Variants in FGF14 observed in about 807,000 individuals in gnomAD.
The protein encoded by FGF14 is fibroblast growth factor homologous factor 4.
FGF14 carries 5 observed loss-of-function variants against 25.5 expected under a neutral mutation model. The ratio of observed to expected loss-of-function variants is 0.20; its 90% CI spans 0.10 to 0.41. The LOEUF (loss-of-function observed/expected upper bound fraction) is 0.41. FGF14 is among the 10% of genes least tolerant of loss of function. The pLI is 1.00. For synonymous variants in FGF14, 138 were observed against 118.3 expected (o/e 1.17, Z -1.08); for missense variants, 222 against 320.1 (o/e 0.69, Z 2.34).
intron 3 of FGF14, among the ~76,000 whole-genome samples, chr13:101,801,676 A>G (rs1239665536): frequency 1.3e-5 from 2 of 152,168 alleles, no homozygotes; most frequent in African/African-American, 4.8e-5. Context: ...TTTGAAACAC[A>G]AGCTCCAGCA....
intron 3 of FGF14, among the ~76,000 whole-genome samples, chr13:101,807,608 A>G (rs1358431639): frequency 6.6e-6 from 1 of 152,070 alleles, no homozygotes; most frequent in Non-Finnish European, 1.5e-5. Context: ...TAAAATATAT[A>G]TATGCTCTAG....
chr13:102,354,541 G>T (rs1277404933), intron 1 of FGF14, among the ~76,000 whole-genome samples: 1 of 152,078 alleles, frequency 6.6e-6, no homozygotes, highest in Non-Finnish European at 1.5e-5. Context: ...GATGTCTCAT[G>T]TCTCCCTAAA....
chr13:101,850,052 G>T (rs1390961103), intron 3 of FGF14, among the ~76,000 whole-genome samples: 2 of 151,470 alleles, frequency 1.3e-5, no homozygotes, highest in Admixed American at 6.6e-5. Flanking sequence ...GAGAGGGAGA[G>T]GAAGGCAGGA....
intron 1 of FGF14, among the ~76,000 whole-genome samples, chr13:101,973,727 C>T (rs59246201): frequency 0.019 from 2,960 of 152,222 alleles, 89 homozygotes; most frequent in African/African-American, 0.067. Flanking sequence ...TGAGATGGTG[C>T]CCTCCCAGAT....
At chr13:102,374,977 C>T (rs78915635) in intron 1 of FGF14, among the ~76,000 whole-genome samples, 4,784 of 151,948 alleles carry the variant, frequency 0.031, 107 homozygotes, top group Middle Eastern at 0.048. Context: ...AATAAATACA[C>T]ATTTGCTAAA....
chr13:102,229,920 T>C (rs1263617278), intron 1 of FGF14, among the ~76,000 whole-genome samples: 1 of 152,204 alleles, frequency 6.6e-6, no homozygotes, highest in Non-Finnish European at 1.5e-5. Context: ...CAGCCTTCTG[T>C]TATTCAATTC....
intron 1 of FGF14, among the ~76,000 whole-genome samples, chr13:102,202,737 A>T (rs2049720306): frequency 6.6e-6 from 1 of 152,198 alleles, no homozygotes; most frequent in Non-Finnish European, 1.5e-5. Flanking sequence ...AGAACTTCAA[A>T]AGCATTTGCA....
intron 3 of FGF14, among the ~76,000 whole-genome samples, chr13:101,751,578 G>A (rs2037278066): frequency 6.6e-6 from 1 of 152,068 alleles, no homozygotes; most frequent in African/African-American, 2.4e-5. Context: ...GGTTGACGAA[G>A]CAAAAATGGA....
chr13:101,898,987 C>G (rs1203191832), intron 1 of FGF14, among the ~76,000 whole-genome samples: 1 of 152,090 alleles, frequency 6.6e-6, no homozygotes, highest in Non-Finnish European at 1.5e-5. Flanking sequence ...TTTGGCAATC[C>G]ACAATGCTAA....
At chr13:102,029,352 C>T (rs2041093853) in intron 1 of FGF14, among the ~76,000 whole-genome samples, 1 of 152,006 alleles carries the variant, frequency 6.6e-6, no homozygotes, top group Admixed American at 6.6e-5. Context: ...TTAACTAGAT[C>T]CCCATATTTA....
At chr13:102,293,671 C>T (rs1159844395) in intron 1 of FGF14, 1 of 152,180 alleles carries the variant, frequency 6.6e-6, no homozygotes, top group Non-Finnish European at 1.5e-5. Flanking sequence ...CTGAATTTCA[C>T]TCTATCTTCA....
chr13:102,181,400 G>A (rs1337778601), intron 1 of FGF14, among the ~76,000 whole-genome samples: 1 of 152,120 alleles, frequency 6.6e-6, no homozygotes, highest in Non-Finnish European at 1.5e-5. Flanking sequence ...ATATATTGAA[G>A]TCCTAATCCC....
chr13:102,205,150 G>A (rs1447117039), intron 1 of FGF14, among the ~76,000 whole-genome samples: 1 of 152,142 alleles, frequency 6.6e-6, no homozygotes, highest in African/African-American at 2.4e-5. Context: ...AGAGAAGAAG[G>A]GCTTTGGTAC....
intron 1 of FGF14, among the ~76,000 whole-genome samples, chr13:102,186,222 T>C (rs2048868960): frequency 6.6e-6 from 1 of 152,174 alleles, no homozygotes; most frequent in South Asian, 2.1e-4. Context: ...TTTCCCTAGG[T>C]AACAGAAATA....
intron 1 of FGF14, among the ~76,000 whole-genome samples, chr13:101,986,027 C>A (rs747218612): frequency 1.3e-5 from 2 of 152,068 alleles, no homozygotes; most frequent in African/African-American, 2.4e-5. Context: ...AATCCAATTT[C>A]AAGGTTAGGA....
intron 1 of FGF14, among the ~76,000 whole-genome samples, chr13:102,080,690 C>G (rs1309496763): frequency 6.6e-6 from 1 of 152,220 alleles, no homozygotes; most frequent in Non-Finnish European, 1.5e-5. Flanking sequence ...TCTACACAGC[C>G]TCTCTTTCTC....
chr13:101,831,031 G>A (rs1408426835), intron 3 of FGF14, among the ~76,000 whole-genome samples: 1 of 151,958 alleles, frequency 6.6e-6, no homozygotes, highest in African/African-American at 2.4e-5. Flanking sequence ...TCATCTCAAG[G>A]TCGTTAATTT....
chr13:102,215,276 ACATCAG>A (rs2050324729), intron 1 of FGF14, among the ~76,000 whole-genome samples: 1 of 152,216 alleles, frequency 6.6e-6, no homozygotes, highest in Non-Finnish European at 1.5e-5. Context: ...AGCACTGGAT[ACATCAG>A]CATATCATGG....
At chr13:102,358,686 T>C (rs1177650314) in intron 1 of FGF14, among the ~76,000 whole-genome samples, 1 of 152,180 alleles carries the variant, frequency 6.6e-6, no homozygotes, top group African/African-American at 2.4e-5. Flanking sequence ...ACAAAATACG[T>C]CTCTTAACAA....
Sources: gnomAD v4.1 joint callset for allele counts (sites outside exome capture counted in the v4.1 genomes callset) on GRCh38, gnomAD v4.1.1 for gene constraint, MANE v1.5 for transcripts, NCBI Gene and HGNC (gene_info 2026-07-23, HGNC 2026-07-21) for gene names.